The following NCOA2 variants were observed in gnomAD, a reference collection of about 807,000 sequenced individuals.
NCOA2 encodes the protein class E basic helix-loop-helix protein 75.
NCOA2 carries 21 observed loss-of-function variants against 145.1 expected under a neutral mutation model. That is an observed-to-expected ratio of 0.14 (90% CI 0.10 to 0.21). The LOEUF (loss-of-function observed/expected upper bound fraction) is 0.21. Ranked by LOEUF, NCOA2 falls within the 10% of genes least tolerant of loss-of-function variation. The pLI, the probability that NCOA2 is intolerant of heterozygous loss-of-function variation, is 1.00. For synonymous variants in NCOA2, 619 were observed against 637.5 expected (o/e 0.97, Z 0.44); for missense variants, 1,472 against 1,837.6 (o/e 0.80, Z 3.64).
chr8:70,426,379 A>T, the NCOA2 span, among the ~76,000 whole-genome samples: 1 of 152,282 alleles, frequency 6.6e-6, no homozygotes, highest in Non-Finnish European at 1.5e-5. Context: ...ATAAGGTATT[A>T]CACTTTATAT....
chr8:70,438,844 A>T, the NCOA2 span, among the ~76,000 whole-genome samples: 2 of 152,192 alleles, frequency 1.3e-5, no homozygotes, highest in African/African-American at 2.4e-5. Flanking sequence ...CCAAACACCG[A>T]GGTGAGGGGG....
At chr8:70,284,011 A>G (rs192500807) in intron 2 of NCOA2, among the ~76,000 whole-genome samples, 32 of 152,312 alleles carry the variant, frequency 2.1e-4, no homozygotes, top group Admixed American at 2.0e-3. Flanking sequence ...CTCTTGAATA[A>G]ATAAGCAACA....
the NCOA2 span, among the ~76,000 whole-genome samples, chr8:70,427,076 A>C: frequency 1.3e-5 from 2 of 152,340 alleles, no homozygotes; most frequent in Non-Finnish European, 2.9e-5. Context: ...TGAGCACAGT[A>C]ATACTAGTAT....
chr8:70,353,262 T>A (rs2130859912), intron 1 of NCOA2, among the ~76,000 whole-genome samples: 1 of 151,570 alleles, frequency 6.6e-6, no homozygotes, highest in Middle Eastern at 3.4e-3. Flanking sequence ...TTGTTTTTGT[T>A]TTTTTGAGAC....
rs192402318 is a variant in NCOA2 at position 70,345,323 on chromosome 8, G to C, written c.-76-48523C>G. Reference sequence around the variant, plus strand: ...TCAAATTTAGAAATGTATTTTTTCAGCCAGATAAAAGTTCAAAGCATTTTC... The same window carrying C: ...TCAAATTTAGAAATGTATTTTTTCACCCAGATAAAAGTTCAAAGCATTTTC... On this transcript the variant is annotated intron_variant, in intron 1 of 22. Transcript: ENST00000452400. Among the ~76,000 whole-genome samples the C allele has an allele frequency of 2.1e-3, 323 of 152,204 alleles. 7 individuals are homozygous for C. The highest frequency in any genetic ancestry group is 1.8e-3 in the Non-Finnish European group (120 of 68,014).
chr8:70,446,951 G>C, the NCOA2 span, among the ~76,000 whole-genome samples: 2 of 152,106 alleles, frequency 1.3e-5, no homozygotes, highest in African/African-American at 4.8e-5. Context: ...GCAATTCTAG[G>C]CTTCCTGAAA....
rs544646221 is a variant in NCOA2 at position 70,327,260 on chromosome 8, G to C, written c.-76-30460C>G. Among the ~76,000 whole-genome samples, 123 of 152,238 alleles carry C rather than the reference G, an allele frequency of 8.1e-4. 1 individual carries two copies. The highest frequency in any genetic ancestry group is 2.9e-3 in the African/African-American group (119 of 41,548). On this transcript the variant is annotated intron_variant, in intron 1 of 22. Coordinates refer to ENST00000452400, the MANE Select transcript of NCOA2 (RefSeq NM_006540.4). ...AATAATGTCATTAAGGAATATATCT[G>C]AAACAAATTAAGTAAAGTGTGCCTG...
At chr8:70,400,881 T>C (rs1427391881) in intron 1 of NCOA2, among the ~76,000 whole-genome samples, 2 of 152,180 alleles carry the variant, frequency 1.3e-5, no homozygotes, top group Non-Finnish European at 2.9e-5. Context: ...GCTTGACTTA[T>C]AGAAAAGATA....
At chr8:70,378,267 A>AC (rs1300793477) in intron 1 of NCOA2, among the ~76,000 whole-genome samples, 1 of 152,150 alleles carries the variant, frequency 6.6e-6, no homozygotes, top group Non-Finnish European at 1.5e-5. Context: ...ACATAGTGAG[A>AC]CCCCATCGCC....
At chr8:70,203,620 C>T (rs1282312662) in intron 4 of NCOA2, among the ~76,000 whole-genome samples, 1 of 152,070 alleles carries the variant, frequency 6.6e-6, no homozygotes, top group African/African-American at 2.4e-5. Flanking sequence ...GAAAAACCTA[C>T]TTTAAACCTA....
chr8:70,175,671 A>C (rs1483249828), intron 4 of NCOA2, among the ~76,000 whole-genome samples: 1 of 152,256 alleles, frequency 6.6e-6, no homozygotes, highest in East Asian at 1.9e-4. Flanking sequence ...TTTCAAGAAC[A>C]CCAAAAAAAG....
intron 1 of NCOA2, among the ~76,000 whole-genome samples, chr8:70,378,181 G>A (rs1038341346): frequency 2.6e-5 from 4 of 152,282 alleles, no homozygotes; most frequent in Middle Eastern, 6.8e-3. Flanking sequence ...TGGAGCAGTG[G>A]CTCACACCTA....
At chr8:70,299,752 G>C (rs772774894) in intron 1 of NCOA2, among the ~76,000 whole-genome samples, 26 of 152,206 alleles carry the variant, frequency 1.7e-4, no homozygotes, top group Non-Finnish European at 3.7e-4. Context: ...CAGTTTGGAA[G>C]TTTCTCACTA....
At chr8:70,192,284 T>C (rs1816777935) in intron 4 of NCOA2, among the ~76,000 whole-genome samples, 1 of 152,076 alleles carries the variant, frequency 6.6e-6, no homozygotes, top group Admixed American at 6.5e-5. Flanking sequence ...GGGACAACTG[T>C]ACATAAAAAC....
chr8:70,412,935 T>TA, the NCOA2 span, among the ~76,000 whole-genome samples: 1 of 151,650 alleles, frequency 6.6e-6, no homozygotes, highest in African/African-American at 2.4e-5. Context: ...CTGTCTCTAC[T>TA]AAAAATATAA....
intron 5 of NCOA2, among the ~76,000 whole-genome samples, chr8:70,171,914 C>T (rs917118792): frequency 2.6e-5 from 4 of 152,206 alleles, no homozygotes; most frequent in African/African-American, 9.7e-5. Context: ...GCCTTCACCT[C>T]CTGGGCCCAA....
intron 2 of NCOA2, among the ~76,000 whole-genome samples, chr8:70,282,643 G>A (rs1226639029): frequency 2.0e-5 from 3 of 149,754 alleles, no homozygotes; most frequent in Non-Finnish European, 3.0e-5. Context: ...AGCTGAGATC[G>A]TGCCATTGTA....
intron 1 of NCOA2, among the ~76,000 whole-genome samples, chr8:70,297,548 G>T (rs1051316642): frequency 2.6e-5 from 4 of 152,114 alleles, no homozygotes; most frequent in Non-Finnish European, 4.4e-5. Context: ...GCCTGGGCTG[G>T]TCTCGAACTC....
chr8:70,305,078 G>A (rs1384923112), intron 1 of NCOA2, among the ~76,000 whole-genome samples: 4 of 147,994 alleles, frequency 2.7e-5, no homozygotes, highest in Non-Finnish European at 6.0e-5. Flanking sequence ...TAGAGATGGG[G>A]TTTTGCTATG....
Sources: gnomAD v4.1 joint callset for allele counts (sites outside exome capture counted in the v4.1 genomes callset) on GRCh38, gnomAD v4.1.1 for gene constraint, MANE v1.5 for transcripts, NCBI Gene and HGNC (gene_info 2026-07-23, HGNC 2026-07-21) for gene names.